The following PLCL2 variants were observed in gnomAD, a reference collection of about 807,000 sequenced individuals.
PLCL2 encodes the protein inactive phospholipase C-like protein 2.
Under a neutral mutation model 79.6 loss-of-function variants are expected in PLCL2, and 4 were observed. That is an observed-to-expected ratio of 0.05 (90% confidence interval 0.02 to 0.11). The LOEUF (loss-of-function observed/expected upper bound fraction) is 0.11. PLCL2 is among the 10% of genes least tolerant of loss of function. PLCL2 has a pLI of 1.00. For synonymous variants in PLCL2, 484 were observed against 457.7 expected (o/e 1.06, Z -0.73); for missense variants, 895 against 1,291.0 (o/e 0.69, Z 4.70).
At chr3:17,043,844 A>G (rs2064753843) in intron 4 of PLCL2, among the ~76,000 whole-genome samples, 1 of 152,142 alleles carries the variant, frequency 6.6e-6, no homozygotes, top group South Asian at 2.1e-4. Flanking sequence ...CACAATCCCC[A>G]TCTTGTTTTA....
chr3:16,965,924 G>A (rs2124974288), intron 1 of PLCL2, among the ~76,000 whole-genome samples: 1 of 152,324 alleles, frequency 6.6e-6, no homozygotes, highest in East Asian at 1.9e-4. Flanking sequence ...ATTTGGGGCT[G>A]AGACGATGGG....
At chr3:17,068,428 A>G (rs899499629) in intron 5 of PLCL2, among the ~76,000 whole-genome samples, 2 of 152,230 alleles carry the variant, frequency 1.3e-5, no homozygotes, top group African/African-American at 4.8e-5. Context: ...TAGTTACTCA[A>G]ATTTCATTTA....
intron 5 of PLCL2, among the ~76,000 whole-genome samples, chr3:17,071,432 C>G (rs1259903832): frequency 6.6e-6 from 1 of 152,252 alleles, no homozygotes; most frequent in East Asian, 1.9e-4. Flanking sequence ...GGCATACTTA[C>G]TTCCAGTCAT....
intron 4 of PLCL2, among the ~76,000 whole-genome samples, chr3:17,054,965 G>A (rs1431406021): frequency 2.0e-5 from 3 of 152,174 alleles, no homozygotes; most frequent in Non-Finnish European, 2.9e-5. Context: ...AGTGGATTAT[G>A]TGATTCCCTG....
At chr3:17,073,623 A>G (rs932708683) in intron 5 of PLCL2, among the ~76,000 whole-genome samples, 3 of 152,234 alleles carry the variant, frequency 2.0e-5, no homozygotes, top group African/African-American at 7.2e-5. Context: ...TACCCACAGT[A>G]GAACTTCTTT....
intron 3 of PLCL2, among the ~76,000 whole-genome samples, chr3:17,020,003 G>C (rs1031269015): frequency 6.6e-6 from 1 of 151,974 alleles, no homozygotes; most frequent in Non-Finnish European, 1.5e-5. Context: ...CTGGCATTTC[G>C]GTGCATCTCC....
At chr3:16,926,676 C>T (rs1297438540) in intron 1 of PLCL2, among the ~76,000 whole-genome samples, 1 of 151,468 alleles carries the variant, frequency 6.6e-6, no homozygotes, top group East Asian at 1.9e-4. Context: ...CTGTCTCCCA[C>T]GCTGGAGTGC....
At chr3:17,025,270 T>G (rs1313763096) in intron 3 of PLCL2, among the ~76,000 whole-genome samples, 1 of 152,230 alleles carries the variant, frequency 6.6e-6, no homozygotes, top group East Asian at 1.9e-4. Flanking sequence ...TCTTCAGGAA[T>G]TAATTCAATC....
intron 4 of PLCL2, among the ~76,000 whole-genome samples, chr3:17,048,402 TATCAAAA>T (rs1416166685): frequency 2.6e-5 from 4 of 152,072 alleles, no homozygotes; most frequent in Non-Finnish European, 5.9e-5. Flanking sequence ...AGCATGGAAA[TATCAAAA>T]AATTTAAGAA....
chr3:17,084,108 A>C (rs543632793), intron 5 of PLCL2, among the ~76,000 whole-genome samples: 1 of 152,344 alleles, frequency 6.6e-6, no homozygotes, highest in East Asian at 1.9e-4. Flanking sequence ...AAAGGATATC[A>C]CCACAGATTT....
Position 16,886,541 on chromosome 3 carries a change from C to T in PLCL2, c.327+1175C>T, listed in dbSNP as rs1279864216. Among the ~76,000 whole-genome samples the T allele has an allele frequency of 6.6e-6, 1 of 152,198 alleles. No homozygotes were observed. The highest frequency in any genetic ancestry group is 1.5e-5 in the Non-Finnish European group (1 of 68,034). ...TCTAGTGAAATATACCATCTTGCTACTCTATGTAAGAGGCAATTGTGAAAC... is the reference window on the plus strand; with the variant it reads ...TCTAGTGAAATATACCATCTTGCTATTCTATGTAAGAGGCAATTGTGAAAC... On this transcript the variant is annotated intron_variant, in intron 1 of 5. Transcript: ENST00000615277. This position sits in a 1 kb window ranked among gnomAD's most constrained non-coding sequence, Gnocchi z 4.2.
At chr3:16,958,984 C>T (rs555593050) in intron 1 of PLCL2, among the ~76,000 whole-genome samples, 2 of 152,306 alleles carry the variant, frequency 1.3e-5, no homozygotes, top group African/African-American at 4.8e-5. Flanking sequence ...CTCACCAACA[C>T]CTCAGACCAT....
intron 4 of PLCL2, among the ~76,000 whole-genome samples, chr3:17,062,655 T>C (rs1395594879): frequency 6.6e-6 from 1 of 152,232 alleles, no homozygotes; most frequent in East Asian, 1.9e-4. Flanking sequence ...AATACAATTA[T>C]TTTGTTAAAC....
At chr3:17,076,131 C>G (rs1254429644) in intron 5 of PLCL2, among the ~76,000 whole-genome samples, 1 of 152,138 alleles carries the variant, frequency 6.6e-6, no homozygotes, top group East Asian at 1.9e-4. Context: ...TTGCCTTTCC[C>G]CAGCAGTGTT....
At chr3:16,916,094 CTTCGCTTG>C in intron 1 of PLCL2, among the ~76,000 whole-genome samples, 1 of 152,100 alleles carries the variant, frequency 6.6e-6, no homozygotes, top group East Asian at 1.9e-4. Flanking sequence ...AAAGTTTTTC[CTTCGCTTG>C]TTGCAGACGA....
intron 1 of PLCL2, among the ~76,000 whole-genome samples, chr3:16,991,067 C>T (rs565917286): frequency 3.9e-5 from 6 of 152,286 alleles, no homozygotes; most frequent in African/African-American, 1.2e-4. Context: ...ACCCATTCCC[C>T]GGCTTTGCCC....
At chr3:16,952,221 C>G (rs2063660282) in intron 1 of PLCL2, among the ~76,000 whole-genome samples, 1 of 151,614 alleles carries the variant, frequency 6.6e-6, no homozygotes, top group African/African-American at 2.4e-5. Flanking sequence ...GGACAAATAC[C>G]TAATGCATAC....
intron 1 of PLCL2, among the ~76,000 whole-genome samples, chr3:16,949,079 C>T (rs1044808569): frequency 3.9e-5 from 6 of 152,122 alleles, no homozygotes; most frequent in African/African-American, 1.4e-4. Flanking sequence ...TAACCATTCC[C>T]CTATTGATGG....
chr3:17,070,550 A>C (rs899364296), intron 5 of PLCL2, among the ~76,000 whole-genome samples: 2 of 152,158 alleles, frequency 1.3e-5, no homozygotes, highest in African/African-American at 4.8e-5. Context: ...AATGTAAGTG[A>C]GGCATGAGGA....
Sources: gnomAD v4.1 joint callset for allele counts (sites outside exome capture counted in the v4.1 genomes callset) on GRCh38, gnomAD v4.1.1 for gene constraint, Gnocchi (gnomAD v3.1) non-coding constraint, MANE v1.5 for transcripts, NCBI Gene and HGNC (gene_info 2026-07-23, HGNC 2026-07-21) for gene names.